Variants in ACACB observed in about 807,000 individuals in gnomAD.
ACACB encodes the protein acetyl-CoA carboxylase beta, also known as acetyl-CoA carboxylase 2.
In ACACB, 209 loss-of-function variants were observed where a neutral mutation model predicts 278.8. That is an observed-to-expected ratio of 0.75 (90% CI 0.67 to 0.84). The LOEUF (loss-of-function observed/expected upper bound fraction) is 0.84. ACACB is among the 40% of genes least tolerant of loss of function. The probability of loss-of-function intolerance (pLI) is 0.00; values close to 1 mark genes in which losing one functional copy is unlikely to be tolerated. For missense variants in ACACB, 2,850 were observed against 3,269.0 expected, an observed-to-expected ratio of 0.87 and a Z score of 3.13; for synonymous variants, 1,174 against 1,285.6, an observed-to-expected ratio of 0.91 and a Z score of 1.86.
chr12:109,117,462 C>A (rs246081), intron 1 of ACACB, among the ~76,000 whole-genome samples: 80,609 of 151,848 alleles, frequency 0.53, 22,934 homozygotes, highest in African/African-American at 0.74. Flanking sequence ...GACTTTCTTT[C>A]AATGTTGAAA....
intron 36 of ACACB, chr12:109,241,644 G>T: frequency 3.6e-6 from 1 of 279,844 alleles, no homozygotes. Context: ...ACCACGCCTG[G>T]CCATATGGCC....
At chr12:109,221,868 T>C (rs1009380955) in intron 24 of ACACB, among the ~76,000 whole-genome samples, 8 of 150,220 alleles carry the variant, frequency 5.3e-5, no homozygotes, top group Non-Finnish European at 1.2e-4. Flanking sequence ...ATGTGCCTGA[T>C]AATCACTGAC....
intron 21 of ACACB, among the ~76,000 whole-genome samples, chr12:109,212,329 G>A (rs565419149): frequency 2.0e-5 from 3 of 152,114 alleles, no homozygotes; most frequent in African/African-American, 7.2e-5. Flanking sequence ...GGATGGTTTC[G>A]GGATGATTCA....
intron 24 of ACACB, among the ~76,000 whole-genome samples, chr12:109,217,740 C>G: frequency 6.6e-6 from 1 of 152,064 alleles, no homozygotes; most frequent in Non-Finnish European, 1.5e-5. Flanking sequence ...GTTGAGGCTG[C>G]AGTAAGCTGT....
chr12:109,188,942 G>A (rs1247401775), intron 13 of ACACB, among the ~76,000 whole-genome samples: 1 of 152,112 alleles, frequency 6.6e-6, no homozygotes, highest in African/African-American at 2.4e-5. Context: ...AAATTTTAAG[G>A]AGTGTGTCCT....
intron 37 of ACACB, among the ~76,000 whole-genome samples, chr12:109,244,437 A>G (rs1232978134): frequency 1.3e-5 from 2 of 152,212 alleles, no homozygotes; most frequent in Non-Finnish European, 2.9e-5. Flanking sequence ...GGAAAAGTGT[A>G]TGTATTCAGT....
At position 109,138,167 on chromosome 12, in the gene ACACB, G is replaced by A. The variant is rs972562688; in HGVS notation, c.-9-1230G>A. ...GATCTGCCCGCCTCAGCCTCCCAAA[G>A]TGCTGGGATTACAGGCATGAGCCAC... is the stretch of plus-strand genomic sequence containing the variant. On this transcript the variant is annotated intron_variant, in intron 1 of 52. Transcript: ENST00000338432. Among the ~76,000 whole-genome samples, 7 of 152,308 alleles carry A rather than the reference G, an allele frequency of 4.6e-5. No homozygotes were observed. The South Asian group carries it at 8.3e-4, about 18-fold the overall frequency.
chr12:109,129,459 GC>G (rs2042766839), intron 1 of ACACB, among the ~76,000 whole-genome samples: 1 of 152,140 alleles, frequency 6.6e-6, no homozygotes, highest in Non-Finnish European at 1.5e-5. Flanking sequence ...CCTCTTCCCT[GC>G]AACACTCCCT....
At chr12:109,265,047 G>C in intron 50 of ACACB, 63 bp from the exon 51 acceptor site, 1 of 1,545,820 alleles carries the variant, frequency 6.5e-7, no homozygotes, top group Non-Finnish European at 8.8e-7. Context: ...CATGGGTGTG[G>C]TCAGAGCCAG....
chr12:109,194,192 G>T (rs541760852), intron 16 of ACACB, among the ~76,000 whole-genome samples: 1,648 of 150,674 alleles, frequency 0.011, 19 homozygotes, highest in Non-Finnish European at 0.016. Context: ...TTTTTTTTTT[G>T]TTGTTGTTGT....
chr12:109,253,957 T>C (rs368042376), intron 43 of ACACB, among the ~76,000 whole-genome samples: 182 of 152,318 alleles, frequency 1.2e-3, no homozygotes, highest in African/African-American at 2.3e-3. Context: ...CCTGCGTTTC[T>C]GTAACTTCCC....
chr12:109,171,130 A>G (rs889929661), intron 4 of ACACB, among the ~76,000 whole-genome samples: 2 of 147,712 alleles, frequency 1.4e-5, no homozygotes, highest in Non-Finnish European at 3.0e-5. Context: ...CTGGGATGTC[A>G]GGCGTGCACC....
chr12:109,227,379 G>A lies in ACACB; in HGVS notation c.3891G>A (p.Val1297=). 1.2e-6 allele frequency: 2 copies of A among 1,611,646 alleles called. No homozygotes were observed. The highest frequency in any genetic ancestry group is 1.7e-6 in the Non-Finnish European group (2 of 1,178,918). Residue 1297 remains valine, a synonymous_variant, in exon 28 of 53, where the codon GTG becomes GTA. Coordinates refer to ENST00000338432, the MANE Select transcript of ACACB (RefSeq NM_001093.4). ...TGTTTCTGCCTTGTCAGGTTTACGT[G>A]CGGAGGGGCTACATCGCCTATGAGT... ...VVCMASLEVY[V]RRGYIAYELN... is the part of the protein sequence containing the mutation.
At chr12:109,210,102 T>C (rs1428935412) in intron 21 of ACACB, among the ~76,000 whole-genome samples, 1 of 124,096 alleles carries the variant, frequency 8.1e-6, no homozygotes, top group East Asian at 2.5e-4. Context: ...CACATGTGTG[T>C]GTATATGTAT....
chr12:109,147,914 G>T (rs1021151610), intron 2 of ACACB, among the ~76,000 whole-genome samples: 4 of 152,148 alleles, frequency 2.6e-5, no homozygotes, highest in African/African-American at 9.7e-5. Flanking sequence ...GTAAATTTTT[G>T]TTTTCATAAA....
chr12:109,210,339 ACG>A (rs202204396), intron 21 of ACACB, among the ~76,000 whole-genome samples: 1,298 of 31,568 alleles, frequency 0.041, 208 homozygotes, highest in African/African-American at 0.079. Context: ...ATGTATATAC[ACG>A]CACACACATA....
rs1160785805 is a variant in ACACB, at chr12:109,152,646, T to C, written c.653+12588T>C. On this transcript the variant is annotated intron_variant, in intron 2 of 52. Coordinates refer to ENST00000338432, the MANE Select transcript of ACACB (RefSeq NM_001093.4). ...GCCTTTTCTTTCTTTCTTTCTTTTT[T>C]TTTTTTTTTTTTTTTTTTTGAGAAA... 3.8e-4 allele frequency among the ~76,000 whole-genome samples: 47 copies of C among 123,672 alleles called. 1 individual carries two copies. The South Asian group carries it at 6.2e-3, about 16-fold the overall frequency. The allele number at this position is 123,672 out of a possible 152,430, so 81.1% of individuals were successfully genotyped here.
chr12:109,197,931 G>A (rs1457207295), intron 17 of ACACB, among the ~76,000 whole-genome samples: 1 of 152,068 alleles, frequency 6.6e-6, no homozygotes, highest in Non-Finnish European at 1.5e-5. Context: ...GTCTCGCTCT[G>A]TCACCCAGGC....
Position 109,222,996 on chromosome 12 carries a change from C to T in ACACB, c.3792+84C>T. Reference sequence around the variant, plus strand: ...GCCTCTGGGGAAACGGCTCCTCCTGCCCTCCAGGTGCTCAGTGGGGTGCAG... The same window carrying T: ...GCCTCTGGGGAAACGGCTCCTCCTGTCCTCCAGGTGCTCAGTGGGGTGCAG... On this transcript the variant is annotated intron_variant, in intron 26 of 52. Transcript: ENST00000338432. 5.6e-6 allele frequency: 6 copies of T among 1,075,420 alleles called. No homozygotes were observed. In the South Asian group the frequency reaches 8.1e-5, roughly 15 times the overall value. 66.6% of individuals were successfully genotyped at this position (1,075,420 alleles called of 1,614,324 possible).
Sources: allele counts gnomAD v4.1 joint callset (sites outside exome capture counted in the v4.1 genomes callset), GRCh38; gene constraint gnomAD v4.1.1; transcripts MANE v1.5; gene names NCBI Gene and HGNC (gene_info 2026-07-23, HGNC 2026-07-21).